Variants in CYP4Z1 observed in about 807,000 individuals in gnomAD.
CYP4Z1 encodes the protein cytochrome P450 4Z1.
In CYP4Z1, 41 loss-of-function variants were observed where a neutral mutation model predicts 54.2. That is an observed-to-expected ratio of 0.76 (90% confidence interval 0.59 to 0.98). The LOEUF (loss-of-function observed/expected upper bound fraction) is 0.98, where lower values mean the gene tolerates loss of function less well. Among genes scored for constraint, CYP4Z1 ranks in the 50% least tolerant of loss-of-function variants. The pLI is 0.00. For missense variants in CYP4Z1, 513 were observed against 599.0 expected (o/e 0.86, Z 1.50); for synonymous variants, 163 against 206.2 (o/e 0.79, Z 1.79).
At chr1:47,059,828 A>C in the CYP4Z1 span, among the ~76,000 whole-genome samples, 1 of 152,172 alleles carries the variant, frequency 6.6e-6, no homozygotes. Flanking sequence ...TTAAGCAAGC[A>C]TTTATCTGAT....
chr1:47,107,344 C>T (rs754815126), intron 9 of CYP4Z1, among the ~76,000 whole-genome samples: 1 of 151,356 alleles, frequency 6.6e-6, no homozygotes, highest in African/African-American at 2.5e-5. Context: ...CTCGTAACTA[C>T]TACACTAAAG....
intron 7 of CYP4Z1, chr1:47,097,039 A>G (rs1300596103): frequency 6.7e-6 from 1 of 148,430 alleles, no homozygotes; most frequent in African/African-American, 2.5e-5. Flanking sequence ...TTCAGCTCCC[A>G]CTTATAAGTG....
intron 7 of CYP4Z1, among the ~76,000 whole-genome samples, chr1:47,098,018 T>C (rs945536230): frequency 6.6e-6 from 1 of 152,062 alleles, no homozygotes; most frequent in African/African-American, 2.4e-5. Context: ...GGTTTCACCA[T>C]GTTGGCCAGG....
intron 9 of CYP4Z1, among the ~76,000 whole-genome samples, chr1:47,108,826 TGTGA>T (rs1644774613): frequency 6.6e-6 from 1 of 152,022 alleles, no homozygotes; most frequent in Non-Finnish European, 1.5e-5. Flanking sequence ...CACCACTGTC[TGTGA>T]GTAATTTTAA....
the CYP4Z1 span, among the ~76,000 whole-genome samples, chr1:47,057,311 C>A: frequency 1.3e-5 from 1 of 74,620 alleles, no homozygotes; most frequent in Non-Finnish European, 2.7e-5. Context: ...ATGGGCTTCC[C>A]TTTGTTACTT....
upstream of CYP4Z1, among the ~76,000 whole-genome samples, chr1:47,065,523 C>T (rs1644445035): frequency 6.6e-6 from 1 of 152,046 alleles, no homozygotes; most frequent in South Asian, 2.1e-4. Flanking sequence ...CCCTAAGATA[C>T]AGCAAAAGCA....
chr1:47,099,164 A>G lies in CYP4Z1; in HGVS notation c.947A>G (p.His316Arg), dbSNP rs760233218. The G allele has an allele frequency of 3.7e-6, 6 of 1,614,034 alleles. No individual in the cohort carries two copies. The highest frequency in any genetic ancestry group is 1.3e-5 in the African/African-American group (1 of 75,040). ...AEVKTFMFAG[H>R]DTTSSAISWI... ...GTGAAAACGTTCATGTTTGCAGGAC[A>G]TGACACCACATCCAGTGCTATCTCC... Residue 316 changes from histidine to arginine, a missense_variant, in exon 8 of 12, where the codon CAT (histidine) becomes CGT (arginine). His to Arg is a conservative substitution (Grantham distance 29). Transcript: ENST00000334194.
intron 6 of CYP4Z1, among the ~76,000 whole-genome samples, chr1:47,092,236 T>C (rs1644643860): frequency 6.6e-6 from 1 of 151,982 alleles, no homozygotes. Context: ...TTGGGGATCC[T>C]GGACTTTGCA....
the CYP4Z1 span, among the ~76,000 whole-genome samples, chr1:47,060,831 G>A: frequency 6.0e-4 from 91 of 152,148 alleles, no homozygotes; most frequent in Non-Finnish European, 2.2e-4. Context: ...AAATGCAAAA[G>A]AACCAAAATC....
Position 47,112,623 on chromosome 1 carries a change from T to A in CYP4Z1, c.1202-2906T>A, listed in dbSNP as rs573827209. ...TTAGTACACATAATCCAATAGCTCA[T>A]TGAAATAAATGTATTGGCTGGGCAG... On this transcript the variant is annotated intron_variant, in intron 9 of 11. Coordinates refer to ENST00000334194, the MANE Select transcript of CYP4Z1 (RefSeq NM_178134.3). 7.9e-5 allele frequency among the ~76,000 whole-genome samples: 12 copies of A among 152,198 alleles called. No individual in the cohort carries two copies. The South Asian group carries it at 2.1e-3, about 26-fold the overall frequency.
In CYP4Z1 at chr1:47,089,342, G is replaced by A. The variant is rs565024683; in HGVS notation, c.772+4364G>A. Among the ~76,000 whole-genome samples the A allele has an allele frequency of 2.4e-4, 36 of 151,286 alleles. 2 individuals carry two copies. The highest frequency in any genetic ancestry group is 4.4e-4 in the Non-Finnish European group (30 of 67,898). ...TTTTAATAATTTTTTTTTAAGTTCC[G>A]AGGTATATGTGCAGGATGTGCAGGA... On this transcript the variant is annotated intron_variant, in intron 6 of 11. Transcript: ENST00000334194.
chr1:47,057,335 A>AAAAAAAAAAAAAAAAAAAAATAT, the CYP4Z1 span, among the ~76,000 whole-genome samples: 3 of 28,486 alleles, frequency 1.1e-4, no homozygotes, highest in Non-Finnish European at 1.7e-4. Flanking sequence ...AAGAAAAAAA[A>AAAAAAAAAAAAAAAAAAAAATAT]ATATATATAT....
upstream of CYP4Z1, among the ~76,000 whole-genome samples, chr1:47,065,252 C>T (rs1373137354): frequency 6.6e-6 from 1 of 152,090 alleles, no homozygotes; most frequent in Non-Finnish European, 1.5e-5. Flanking sequence ...GTACATAGAA[C>T]ATTCTCCAAG....
upstream of CYP4Z1, among the ~76,000 whole-genome samples, chr1:47,066,163 T>A (rs896208262): frequency 6.6e-6 from 1 of 152,134 alleles, no homozygotes; most frequent in Non-Finnish European, 1.5e-5. Context: ...AAAGAGAGCA[T>A]CCTCCCTAAA....
chr1:47,059,845 C>T, the CYP4Z1 span, among the ~76,000 whole-genome samples: 2 of 152,170 alleles, frequency 1.3e-5, no homozygotes, highest in Non-Finnish European at 2.9e-5. Flanking sequence ...TGATCATGCA[C>T]CTTCAGCCTG....
At chr1:47,109,299 C>T (rs1644777113) in intron 9 of CYP4Z1, among the ~76,000 whole-genome samples, 1 of 151,896 alleles carries the variant, frequency 6.6e-6, no homozygotes, top group Middle Eastern at 3.4e-3. Context: ...AGAGAAATTC[C>T]CAGTTTTAAA....
At chr1:47,088,544 C>T (rs955965745) in intron 6 of CYP4Z1, among the ~76,000 whole-genome samples, 1 of 151,380 alleles carries the variant, frequency 6.6e-6, no homozygotes, top group Admixed American at 6.6e-5. Context: ...TGGTGACATC[C>T]CTTTATCATT....
chr1:47,101,471 AT>A (rs1248752524), intron 8 of CYP4Z1, among the ~76,000 whole-genome samples: 2 of 152,008 alleles, frequency 1.3e-5, no homozygotes, highest in Non-Finnish European at 2.9e-5. Context: ...GTTTCAAGAA[AT>A]TTTTTTATTT....
upstream of CYP4Z1, among the ~76,000 whole-genome samples, chr1:47,063,799 A>C (rs1644435822): frequency 6.6e-6 from 1 of 152,152 alleles, no homozygotes; most frequent in Non-Finnish European, 1.5e-5. Flanking sequence ...GAGAAATCTA[A>C]AATTTGGAAA....
Sources: gnomAD v4.1 joint callset for allele counts (sites outside exome capture counted in the v4.1 genomes callset) on GRCh38, gnomAD v4.1.1 for gene constraint, MANE v1.5 for transcripts, NCBI Gene and HGNC (gene_info 2026-07-23, HGNC 2026-07-21) for gene names.